The following PLEC variants were observed in gnomAD, a reference collection of about 807,000 sequenced individuals.
PLEC encodes the protein plectin, also known as hemidesmosomal protein 1.
A neutral mutation model predicts 392.8 loss-of-function variants in PLEC; 216 were observed. That is an observed-to-expected ratio of 0.55 (90% CI 0.49 to 0.62). PLEC has a LOEUF of 0.62. Ranked by LOEUF, PLEC falls within the 20% of genes least tolerant of loss-of-function variation. The pLI is 0.00. For synonymous variants in PLEC, 3,621 were observed against 2,980.6 expected, an observed-to-expected ratio of 1.21 and a Z score of -7.00; for missense variants, 6,863 against 6,563.4, an observed-to-expected ratio of 1.05 and a Z score of -1.58.
In PLEC at chr8:143,929,736, C is replaced by T. The variant is rs371683315; in HGVS notation, c.2833G>A (p.Gly945Ser). 33 of 1,599,206 alleles carry T rather than the reference C, an allele frequency of 2.1e-5. No individual in the cohort carries two copies. Among genetic ancestry groups the T allele is most frequent in the African/African-American group, 1.5e-4 (11 of 74,894 alleles). ...AFLRDSQDAG[G>S]FGPEDRLMAE... ...ATCAGCCGGTCCTCGGGTCCGAAGC[C>T]GCCCGCGTCCTGGCTGTCCCGCAGG... The change falls in exon 23 of 32, where the codon GGC becomes AGC. Residue 945 changes from glycine to serine, a missense_variant. Physicochemically the swap from Gly to Ser is moderately conservative, Grantham distance 56 (BLOSUM62 0). Transcript: ENST00000345136.
chr8:143,924,139 C>A lies in PLEC; in HGVS notation c.5790G>T (p.Leu1930=). The change falls in exon 31 of 32, where the codon CTG becomes CTT. Residue 1930 remains leucine (L), a synonymous_variant. Transcript: ENST00000345136. The part of the protein sequence containing the change: ...RRQVEEEILA[L]KASFEKAAAG... ...CGGCCGCCTTCTCGAAGCTCGCCTTCAGCGCCAGGATCTCCTCCTCCACCT... is the reference window on the plus strand; with the variant it reads ...CGGCCGCCTTCTCGAAGCTCGCCTTAAGCGCCAGGATCTCCTCCTCCACCT... The A allele has an allele frequency of 6.3e-7, 1 of 1,599,032 alleles. No homozygotes were observed.
intron 21 of PLEC, 40 bp from the exon 22 acceptor site, chr8:143,930,102 A>T (rs782646093): frequency 6.9e-6 from 11 of 1,600,426 alleles, no homozygotes; most frequent in Non-Finnish European, 9.3e-6. Flanking sequence ...CCAGCGCCCC[A>T]CCCGCCTTCC....
intron 2 of PLEC, 161 bp downstream of exon 2, chr8:143,938,470 A>G: frequency 8.4e-6 from 13 of 1,545,200 alleles, no homozygotes; most frequent in Non-Finnish European, 1.1e-5. Context: ...GAGAGGCAGG[A>G]GCAGGCGTAG....
intron 11 of PLEC, 25 bp from the exon 12 acceptor site, chr8:143,934,116 GC>G: frequency 6.2e-7 from 1 of 1,606,542 alleles, no homozygotes; most frequent in South Asian, 1.1e-5. Context: ...CAGGGAAGGG[GC>G]CGCGTTGGCC....
chr8:143,927,658 G>A lies in PLEC; in HGVS notation c.3508C>T (p.Arg1170Trp), dbSNP rs782194062. The stretch of plus-strand genomic sequence containing the variant: ...CGCCAGCGCTCCACCTCCACGTCCC[G>A]CTCCCCGTGCCGCTGCTGCAGTCGC... ...GERLQQRHGE[R>W]DVEVERWRER... The change falls in exon 27 of 32, where the codon CGG (arginine) becomes TGG (tryptophan). Residue 1170 changes from arginine to tryptophan, a missense_variant. Coordinates refer to ENST00000345136, the MANE Select transcript of PLEC (RefSeq NM_201384.3). The A allele has an allele frequency of 1.1e-5, 18 of 1,581,242 alleles. No individual in the cohort carries two copies. Among genetic ancestry groups the A allele is most frequent in the East Asian group, 6.9e-5 (3 of 43,392 alleles).
intron 1 of PLEC, chr8:143,946,555 C>A: frequency 4.8e-6 from 2 of 420,908 alleles, no homozygotes; most frequent in Non-Finnish European, 8.7e-6. Flanking sequence ...GAAGCCCAGC[C>A]GACTGACGGG....
At chr8:143,948,484 G>T (rs781988285) in intron 1 of PLEC, among the ~76,000 whole-genome samples, 2 of 152,186 alleles carry the variant, frequency 1.3e-5, no homozygotes, top group South Asian at 4.1e-4. Context: ...CCCCACATCC[G>T]AGCCGCCTCC....
At position 143,969,819 on chromosome 8, in the gene PLEC, C is replaced by T. The variant is rs146141795; in HGVS notation, c.70+3584G>A. Among the ~76,000 whole-genome samples, 675 of 151,732 alleles carry T rather than the reference C, an allele frequency of 4.4e-3. 8 individuals are homozygous for T. Among genetic ancestry groups the T allele is most frequent in the African/African-American group, 0.016 (649 of 41,358 alleles). On this transcript the variant is annotated intron_variant, in intron 1 of 31. Coordinates refer to the PLEC transcript ENST00000356346. This position sits in a 1 kb window ranked among gnomAD's most constrained non-coding sequence, Gnocchi z 5.1. The stretch of plus-strand genomic sequence containing the variant: ...GGGCTTAGGGGTGCTGTGAGGTGGT[C>T]CTGGAGAGGGCAGCAGGGGTGAGAA...
At position 143,934,350 on chromosome 8, in the gene PLEC, C is replaced by T; in HGVS notation, c.1137G>A (p.Glu379=). ...ACTCGCTGCGGAGCTGCTTCTCCCGCTCCAGGATGGCCACGTGCAGCTTGC... is the reference window on the plus strand; with the variant it reads ...ACTCGCTGCGGAGCTGCTTCTCCCGTTCCAGGATGGCCACGTGCAGCTTGC... ...EWGKLHVAIL[E]REKQLRSEFE... Residue 379 remains glutamate (E), a synonymous_variant, in exon 11 of 32, where the codon GAG becomes GAA. Transcript: ENST00000345136. The T allele has an allele frequency of 6.2e-7, 1 of 1,612,632 alleles. No individual in the cohort carries two copies. Among genetic ancestry groups the T allele is most frequent in the Non-Finnish European group, 8.5e-7 (1 of 1,179,958 alleles).
chr8:143,943,895 G>T (rs377111376), upstream of PLEC: 1 of 1,610,082 alleles, frequency 6.2e-7, no homozygotes, highest in Admixed American at 1.7e-5. Context: ...CTCCATAGCC[G>T]CCACGCGGAG....
At position 143,920,980 on chromosome 8, in the gene PLEC, C is replaced by G. The variant is rs1043489427; in HGVS notation, c.8841G>C (p.Thr2947=). ...QRRDLLRQFR[T]GRITVEKIIK... ...TGATCTTCTCCACTGTGATCCGGCC[C>G]GTGCGGAACTGCCGCAGCAGGTCCC... is the stretch of plus-strand genomic sequence containing the variant. Residue 2947 remains threonine (T), a synonymous_variant, in exon 32 of 32, where the codon ACG becomes ACC. Coordinates refer to ENST00000345136, the MANE Select transcript of PLEC (RefSeq NM_201384.3). The G allele has an allele frequency of 6.2e-6, 10 of 1,613,034 alleles. No homozygotes were observed. The highest frequency in any genetic ancestry group is 7.6e-6 in the Non-Finnish European group (9 of 1,180,034).
At chr8:143,948,657 C>T (rs986646708) in intron 1 of PLEC, among the ~76,000 whole-genome samples, 1 of 152,192 alleles carries the variant, frequency 6.6e-6, no homozygotes, top group Non-Finnish European at 1.5e-5. Context: ...TCACCTCCAT[C>T]GGGGAGGGGT....
At position 143,925,533 on chromosome 8, in the gene PLEC, GCTCGGTGGCCTC is replaced by G; in HGVS notation, c.4384_4395del (p.Glu1462_Glu1465del). The G allele has an allele frequency of 6.3e-7, 1 of 1,595,050 alleles. No individual in the cohort carries two copies. The highest frequency in any genetic ancestry group is 8.5e-7 in the Non-Finnish European group (1 of 1,177,898). ...TCCCCCTCAGCCCCGCCACGCTGGC[GCTCGGTGGCCTC>G]CAACTGCAGGCGCACCACGCGGATC... On this transcript the variant is annotated inframe_deletion, in exon 31 of 32. Coordinates refer to ENST00000345136, the MANE Select transcript of PLEC (RefSeq NM_201384.3).
At chr8:143,965,047 A>C (rs1833024519) in intron 1 of PLEC, among the ~76,000 whole-genome samples, 1 of 35,296 alleles carries the variant, frequency 2.8e-5, no homozygotes, top group South Asian at 8.7e-4. Flanking sequence ...CCCCACCCTC[A>C]CCGTCCCACT....
In PLEC at chr8:143,931,543, C is replaced by T. The variant is rs1554715296; in HGVS notation, c.2295G>A (p.Gln765=). 1 of 1,591,160 alleles carries T rather than the reference C, an allele frequency of 6.3e-7. No homozygotes were observed. Among genetic ancestry groups the T allele is most frequent in the East Asian group, 2.3e-5 (1 of 43,832 alleles). ...ACACCCCCTCCCTCACCTGGGCATC[C>T]TGCAGCAGGTCCTCCAGCCGGGTGA... The part of the protein sequence containing the change: ...ATVTRLEDLL[Q]DAQDEKEQLN... The change falls in exon 19 of 32, where the codon CAG becomes CAA. Residue 765 remains glutamine (Q), a synonymous_variant. Transcript: ENST00000345136.
rs1554717335 is a variant in PLEC at position 143,932,544 on chromosome 8, G to A, written c.1833C>T (p.Arg611=). 3 of 1,612,430 alleles carry A rather than the reference G, an allele frequency of 1.9e-6. No individual in the cohort carries two copies. The African/African-American group carries it at 4.0e-5, about 22-fold the overall frequency. Residue 611 remains arginine, a synonymous_variant, in exon 16 of 32, where the codon CGC becomes CGT. Transcript: ENST00000345136. The stretch of plus-strand genomic sequence containing the variant: ...TGTGCAAGCTCTCCAGGGACCTGAG[G>A]CGGGCCTTGGAGGAGTTCTGTGGGC... ...YAKLLNSSKA[R]LRSLESLHSF...
At chr8:143,922,471 C>A (rs1554689727) in intron 31 of PLEC, 33 bp downstream of exon 31, 22 of 1,602,770 alleles carry the variant, frequency 1.4e-5, no homozygotes, top group Non-Finnish European at 1.9e-5. Context: ...ATCCCCGGGC[C>A]CACCCGCCCG....
Position 143,973,316 on chromosome 8 carries a change from G to T in PLEC, c.70+87C>A. 1 of 1,497,120 alleles carries T rather than the reference G, an allele frequency of 6.7e-7. No individual in the cohort carries two copies. Among genetic ancestry groups the T allele is most frequent in the Non-Finnish European group, 9.0e-7 (1 of 1,109,478 alleles). 92.7% of individuals were successfully genotyped at this position (1,497,120 alleles called of 1,614,324 possible). A position where few individuals can be genotyped will look rare whatever the true frequency, so the allele number is the denominator to read the frequency against. The stretch of plus-strand genomic sequence containing the variant: ...GCGGAGTGGCCGCGCTCGGGCCGGC[G>T]ATCGGGACCGCCACCGTGGACGACA... On this transcript the variant is annotated intron_variant, in intron 1 of 31. Transcript: ENST00000356346. This position sits in a 1 kb window ranked among gnomAD's most constrained non-coding sequence, Gnocchi z 5.6.
chr8:143,967,102 G>A (rs140510561), intron 1 of PLEC, among the ~76,000 whole-genome samples: 1,539 of 151,774 alleles, frequency 0.01, 88 homozygotes, highest in Admixed American at 0.092. Flanking sequence ...GGTGGCTCAC[G>A]CCTGTAATCC....
Sources: gnomAD v4.1 joint callset for allele counts (sites outside exome capture counted in the v4.1 genomes callset) on GRCh38, gnomAD v4.1.1 for gene constraint, Gnocchi (gnomAD v3.1) non-coding constraint, MANE v1.5 for transcripts, NCBI Gene and HGNC (gene_info 2026-07-23, HGNC 2026-07-21) for gene names.